UGT2A2: variants seen among roughly 807,000 people sequenced by gnomAD.
UGT2A2 encodes the protein UDP glucuronosyltransferase family 2 member A2.
UGT2A2 carries 60 observed loss-of-function variants against 50.7 expected under a neutral mutation model. The ratio of observed to expected loss-of-function variants is 1.18; its 90% CI spans 0.96 to 1.47. The LOEUF is 1.47. Among genes scored for constraint, UGT2A2 ranks in the 40% most tolerant of loss-of-function variants. UGT2A2 has a pLI of 0.00. For missense variants in UGT2A2, 762 were observed against 634.0 expected (o/e 1.20, Z -2.17); for synonymous variants, 242 against 214.6 (o/e 1.13, Z -1.11).
chr4:69,591,401 A>G (rs1689397315), intron 5 of UGT2A2, among the ~76,000 whole-genome samples: 1 of 152,158 alleles, frequency 6.6e-6, no homozygotes, highest in South Asian at 2.1e-4. Flanking sequence ...CTGGTTGACA[A>G]TTGGTTGAGT....
rs961186345 is a variant in UGT2A2, at chr4:69,636,440, T to G, written c.742+2459A>C. 3.3e-5 allele frequency among the ~76,000 whole-genome samples: 5 copies of G among 152,184 alleles called. No individual in the cohort carries two copies. The East Asian group carries it at 9.6e-4, about 29-fold the overall frequency. The stretch of plus-strand genomic sequence containing the variant: ...AATATTCAAGGCAGTTATTTGTTGT[T>G]CAAATTATGTTCAGTAACATGAGAA... On this transcript the variant is annotated intron_variant, in intron 1 of 5. Coordinates refer to ENST00000604629, the MANE Select transcript of UGT2A2 (RefSeq NM_001105677.2).
intron 1 of UGT2A2, among the ~76,000 whole-genome samples, chr4:69,610,886 A>G (rs1719995658): frequency 6.6e-6 from 1 of 152,150 alleles, no homozygotes; most frequent in South Asian, 2.1e-4. Context: ...GCTACACACC[A>G]CTGGTTAGGA....
intron 1 of UGT2A2, among the ~76,000 whole-genome samples, chr4:69,608,145 C>G (rs540668610): frequency 1.1e-4 from 17 of 152,214 alleles, no homozygotes; most frequent in Non-Finnish European, 1.8e-4. Flanking sequence ...GCGCTATTCA[C>G]AATAGCAAAG....
At chr4:69,599,163 T>C in intron 2 of UGT2A2, 83 bp downstream of exon 2, 2 of 1,463,934 alleles carry the variant, frequency 1.4e-6, no homozygotes, top group Non-Finnish European at 1.8e-6. Flanking sequence ...CAGCATTTAT[T>C]TGTTATTGAG....
intron 1 of UGT2A2, among the ~76,000 whole-genome samples, chr4:69,634,172 G>A (rs371196597): frequency 1.9e-3 from 288 of 152,200 alleles, no homozygotes; most frequent in African/African-American, 6.6e-3. Flanking sequence ...GTGAACCCGG[G>A]AGGCGGAGCT....
In UGT2A2 at chr4:69,629,859, C is replaced by A. The variant is rs1199302460; in HGVS notation, c.742+9040G>T. On this transcript the variant is annotated intron_variant, in intron 1 of 5. Transcript: ENST00000604629. ...CCTGTGAGTCTTTCTAGTGAATCAT[C>A]GAGTCTCAGAGTAGATCCATAAGAA... 3.3e-5 allele frequency among the ~76,000 whole-genome samples: 5 copies of A among 151,892 alleles called. No homozygotes were observed. In the South Asian group the frequency reaches 1.0e-3, roughly 32 times the overall value.
chr4:69,595,189 C>G lies in UGT2A2; in HGVS notation c.1084G>C (p.Asp362His). The change falls in exon 4 of 6, where the codon GAT (aspartate) becomes CAT (histidine). Residue 362 changes from aspartate to histidine, a missense_variant. By Grantham distance (81) the Asp-to-His change is moderately conservative. Transcript: ENST00000604629. ...AGAAGATCATTCTGGGGTATCCAAT[C>G]AAAGAGCTGAGTATTGTTTCCTAAT... ...ATLGNNTQLF[D>H]WIPQNDLLGH... 1 of 1,613,836 alleles carries G rather than the reference C, an allele frequency of 6.2e-7. No individual in the cohort carries two copies. The highest frequency in any genetic ancestry group is 8.5e-7 in the Non-Finnish European group (1 of 1,179,850).
chr4:69,620,215 A>T (rs1720662203), intron 1 of UGT2A2, among the ~76,000 whole-genome samples: 1 of 152,010 alleles, frequency 6.6e-6, no homozygotes, highest in African/African-American at 2.4e-5. Context: ...ACACAACATG[A>T]TTCTATATGT....
At chr4:69,633,485 T>C (rs113323974) in intron 1 of UGT2A2, among the ~76,000 whole-genome samples, 4,464 of 152,178 alleles carry the variant, frequency 0.029, 222 homozygotes, top group African/African-American at 0.1. Flanking sequence ...TTCACCAATA[T>C]TAGGTACAAG....
chr4:69,634,145 T>C (rs573456017), intron 1 of UGT2A2, among the ~76,000 whole-genome samples: 134 of 152,072 alleles, frequency 8.8e-4, no homozygotes, highest in African/African-American at 2.9e-3. Flanking sequence ...CTCCGGAGGC[T>C]GAGGCAGGAG....
chr4:69,631,316 T>G (rs968451092), intron 1 of UGT2A2, among the ~76,000 whole-genome samples: 1 of 53,156 alleles, frequency 1.9e-5, no homozygotes. Flanking sequence ...TACTTAATTT[T>G]TATGTTTTTA....
intron 1 of UGT2A2, among the ~76,000 whole-genome samples, chr4:69,609,767 C>G (rs1560476766): frequency 6.6e-5 from 10 of 152,084 alleles, no homozygotes; most frequent in Admixed American, 5.2e-4. Context: ...TCTTCTGGAA[C>G]AGGAGACACA....
At chr4:69,601,066 C>G (rs539382709) in intron 1 of UGT2A2, among the ~76,000 whole-genome samples, 1 of 152,058 alleles carries the variant, frequency 6.6e-6, no homozygotes, top group Non-Finnish European at 1.5e-5. Flanking sequence ...ATCCAGTTAC[C>G]TGATGCTAGT....
intron 3 of UGT2A2, among the ~76,000 whole-genome samples, 176 bp from the exon 4 acceptor site, chr4:69,595,425 T>A (rs981681690): frequency 6.6e-6 from 1 of 152,232 alleles, no homozygotes; most frequent in South Asian, 2.1e-4. Context: ...TTTTGTAAAG[T>A]CTTGTACTAA....
rs753479122 is a variant in UGT2A2 at position 69,594,657 on chromosome 4, G to C, written c.1151C>G (p.Thr384Ser). The stretch of plus-strand genomic sequence containing the variant: ...GTAAATAGCTTCGTAGATCCCATTA[G>C]TTCCACCATGAGTGATAAAAGCTTT... Reference protein sequence around the residue: ...KTKAFITHGGTNGIYEAIYHG... With the variant: ...KTKAFITHGGSNGIYEAIYHG... Residue 384 changes from threonine to serine, a missense_variant, in exon 5 of 6, where the codon ACT becomes AGT. By Grantham distance (58) the Thr-to-Ser change is moderately conservative (BLOSUM62 1). Coordinates refer to ENST00000604629, the MANE Select transcript of UGT2A2 (RefSeq NM_001105677.2). 10 of 1,613,956 alleles carry C rather than the reference G, an allele frequency of 6.2e-6. No individual in the cohort carries two copies. Among genetic ancestry groups the C allele is most frequent in the Non-Finnish European group, 7.6e-6 (9 of 1,180,020 alleles).
At chr4:69,606,029 T>C (rs1485556031) in intron 1 of UGT2A2, among the ~76,000 whole-genome samples, 1 of 136,750 alleles carries the variant, frequency 7.3e-6, no homozygotes, top group African/African-American at 3.0e-5. Flanking sequence ...TCTGAAACTA[T>C]TCCAAGCAAT....
intron 1 of UGT2A2, among the ~76,000 whole-genome samples, chr4:69,618,369 G>T (rs1720542324): frequency 6.6e-6 from 1 of 151,614 alleles, no homozygotes; most frequent in South Asian, 2.1e-4. Flanking sequence ...CAATCTAATT[G>T]GGAGATTCCA....
At chr4:69,602,030 C>A (rs1719325264) in intron 1 of UGT2A2, among the ~76,000 whole-genome samples, 1 of 136,548 alleles carries the variant, frequency 7.3e-6, no homozygotes, top group African/African-American at 3.0e-5. Flanking sequence ...AAAAGTCAAT[C>A]ATACTCAAAA....
Position 69,598,319 on chromosome 4 carries a change from A to G in UGT2A2, c.891+927T>C, listed in dbSNP as rs531660413. Among the ~76,000 whole-genome samples, 3 of 152,264 alleles carry G rather than the reference A, an allele frequency of 2.0e-5. No homozygotes were observed. The East Asian group carries it at 5.8e-4, about 29-fold the overall frequency. On this transcript the variant is annotated intron_variant, in intron 2 of 5. Coordinates refer to ENST00000604629, the MANE Select transcript of UGT2A2 (RefSeq NM_001105677.2). ...CATTTGCTTGTGTATAAACCAAGTA[A>G]ATAATAGCCTGTTTCCTCACTCCTT...
Sources: allele counts gnomAD v4.1 joint callset (sites outside exome capture counted in the v4.1 genomes callset), GRCh38; gene constraint gnomAD v4.1.1; transcripts MANE v1.5; gene names NCBI Gene and HGNC (gene_info 2026-07-23, HGNC 2026-07-21).